The following SYCP1 variants were observed in gnomAD, a reference collection of about 807,000 sequenced individuals.
The protein encoded by SYCP1 is cancer/testis antigen 8.
Under a neutral mutation model 153.1 loss-of-function variants are expected in SYCP1, and 64 were observed. The observed-to-expected ratio is 0.42, with a 90% confidence interval of 0.34 to 0.51. The LOEUF (loss-of-function observed/expected upper bound fraction) is 0.51, where lower values mean the gene tolerates loss of function less well. Among genes scored for constraint, SYCP1 ranks in the 20% least tolerant of loss-of-function variants. The pLI, the probability that SYCP1 is intolerant of heterozygous loss-of-function variation, is 0.06. For synonymous variants in SYCP1, 384 were observed against 341.8 expected (o/e 1.12, Z -1.36); for missense variants, 997 against 1,049.0 (o/e 0.95, Z 0.68).
At chr1:114,914,117 C>A in intron 20 of SYCP1, 72 bp downstream of exon 20, 1 of 1,210,316 alleles carries the variant, frequency 8.3e-7, no homozygotes, top group Non-Finnish European at 1.1e-6. Context: ...AACTTGTTAT[C>A]ATTAATTTAA....
chr1:114,866,069 T>G (rs1047837841), intron 8 of SYCP1, among the ~76,000 whole-genome samples: 8 of 152,214 alleles, frequency 5.3e-5, no homozygotes, highest in Non-Finnish European at 1.0e-4. Flanking sequence ...CCACAGCTTA[T>G]TTATCCATTC....
At chr1:114,919,284 A>G (rs1456517046) in intron 20 of SYCP1, among the ~76,000 whole-genome samples, 1 of 152,002 alleles carries the variant, frequency 6.6e-6, no homozygotes, top group Admixed American at 6.6e-5. Context: ...GTCCTATAGC[A>G]TGTTGATATA....
intron 27 of SYCP1, among the ~76,000 whole-genome samples, chr1:114,950,614 AT>A (rs1256705854): frequency 1.3e-5 from 2 of 152,104 alleles, no homozygotes; most frequent in Non-Finnish European, 2.9e-5. Context: ...TATTTAAAAA[AT>A]GTCCACTTTT....
chr1:114,995,143 A>AT lies in SYCP1; in HGVS notation c.*127dup. Reference sequence around the variant, plus strand: ...GACTTAAAAAATACTTGCATGAATGATTTGTGTTTCTTTATATTTTTAGCC... The same window carrying AT: ...GACTTAAAAAATACTTGCATGAATGATTTTGTGTTTCTTTATATTTTTAGCC... On this transcript the variant is annotated 3_prime_UTR_variant, in exon 32 of 32. Transcript: ENST00000369522. 2.1e-6 allele frequency: 2 copies of AT among 955,718 alleles called. No homozygotes were observed. Among genetic ancestry groups the AT allele is most frequent in the Admixed American group, 6.4e-5 (2 of 31,054 alleles). The allele number at this position is 955,718 out of a possible 1,614,324, so 59.2% of individuals were successfully genotyped here. A position where few individuals can be genotyped will look rare whatever the true frequency, so the allele number is the denominator to read the frequency against.
rs74543655 is a variant in SYCP1 at position 114,926,916 on chromosome 1, A to G, written c.1926+353A>G. Among the ~76,000 whole-genome samples, 619 of 152,248 alleles carry G rather than the reference A, an allele frequency of 4.1e-3. 2 individuals carry two copies. The highest frequency in any genetic ancestry group is 0.014 in the African/African-American group (578 of 41,564). ...TGGAATCTACATTTTAAAAAGCTCT[A>G]TGTGTGATTATCCTGCTGCAGAAAG... On this transcript the variant is annotated intron_variant, in intron 23 of 31. Transcript: ENST00000369522.
In SYCP1 at chr1:114,886,105, T is replaced by C; in HGVS notation, c.1006-20T>C. The C allele has an allele frequency of 6.5e-7, 1 of 1,541,798 alleles. No homozygotes were observed. Among genetic ancestry groups the C allele is most frequent in the South Asian group, 1.2e-5 (1 of 80,016 alleles). On this transcript the variant is annotated intron_variant, in intron 13 of 31. Transcript: ENST00000369522. ...AGGCCTTTGGATCATTGCTCTTGTTTTATACTTTATTTCATTTAGAGTACT... is the reference window on the plus strand; with the variant it reads ...AGGCCTTTGGATCATTGCTCTTGTTCTATACTTTATTTCATTTAGAGTACT...
chr1:114,960,013 C>G (rs1671680407), intron 27 of SYCP1, among the ~76,000 whole-genome samples: 1 of 152,128 alleles, frequency 6.6e-6, no homozygotes, highest in Non-Finnish European at 1.5e-5. Context: ...GGGTTGCTTC[C>G]AAATCTTGGC....
chr1:114,939,991 C>T (rs745845907), intron 23 of SYCP1, among the ~76,000 whole-genome samples: 9 of 152,136 alleles, frequency 5.9e-5, no homozygotes, highest in Non-Finnish European at 8.8e-5. Flanking sequence ...GTAGCATTTA[C>T]TGTTAAAAAC....
chr1:114,994,848 A>T, intron 31 of SYCP1, 34 bp from the exon 32 acceptor site: 1 of 1,571,890 alleles, frequency 6.4e-7, no homozygotes, highest in South Asian at 1.2e-5. Context: ...AAAATTAAAC[A>T]TGTTATGATT....
At chr1:114,902,017 G>A (rs1490639379) in intron 16 of SYCP1, among the ~76,000 whole-genome samples, 7 of 152,106 alleles carry the variant, frequency 4.6e-5, no homozygotes, top group African/African-American at 1.4e-4. Context: ...CTCCTTGGCT[G>A]GGGGAGGGGG....
rs1321112857 is a variant in SYCP1 at position 114,910,412 on chromosome 1, C to T, written c.1336C>T (p.Leu446Phe). The T allele has an allele frequency of 6.3e-7, 1 of 1,593,594 alleles. No individual in the cohort carries two copies. Among genetic ancestry groups the T allele is most frequent in the Non-Finnish European group, 8.6e-7 (1 of 1,169,198 alleles). ...TTATAAATAGGGAGAAAAGGAAACA[C>T]TTTTATATGAAAATAAACAATTTGA... Reference protein sequence around the residue: ...LKKVLGEKETLLYENKQFEKI... With the variant: ...LKKVLGEKETFLYENKQFEKI... The change falls in exon 17 of 32, where the codon CTT (leucine) becomes TTT (phenylalanine). Residue 446 changes from leucine to phenylalanine, a missense_variant. Leu to Phe is a conservative substitution (Grantham distance 22). Coordinates refer to ENST00000369522, the MANE Select transcript of SYCP1 (RefSeq NM_003176.4).
intron 23 of SYCP1, among the ~76,000 whole-genome samples, chr1:114,934,556 A>C (rs756684325): frequency 6.6e-6 from 1 of 152,178 alleles, no homozygotes; most frequent in Non-Finnish European, 1.5e-5. Flanking sequence ...TTCACACATA[A>C]CAATATTAAC....
chr1:114,891,635 A>G (rs567686750), intron 15 of SYCP1, among the ~76,000 whole-genome samples: 1 of 152,154 alleles, frequency 6.6e-6, no homozygotes, highest in Admixed American at 6.5e-5. Flanking sequence ...ATTCAGTCTA[A>G]TATTGCTGTA....
chr1:114,882,346 C>T lies in SYCP1; in HGVS notation c.911-3189C>T, dbSNP rs147553262. On this transcript the variant is annotated intron_variant, in intron 12 of 31. Coordinates refer to ENST00000369522, the MANE Select transcript of SYCP1 (RefSeq NM_003176.4). ...ATACCTTATCCTAATTTCTTTTTAC[C>T]TGTATTGTAATTCACTAATTTTCTT... Among the ~76,000 whole-genome samples the T allele has an allele frequency of 3.7e-3, 565 of 152,140 alleles. 5 individuals carry two copies. The highest frequency in any genetic ancestry group is 0.013 in the African/African-American group (536 of 41,508).
chr1:114,882,598 CTTGT>C (rs1422845286), intron 12 of SYCP1, among the ~76,000 whole-genome samples: 1 of 151,432 alleles, frequency 6.6e-6, no homozygotes, highest in Non-Finnish European at 1.5e-5. Flanking sequence ...CTCTTTCTGT[CTTGT>C]TTATGATAGT....
At chr1:114,865,324 C>T (rs1664666069) in intron 8 of SYCP1, among the ~76,000 whole-genome samples, 1 of 152,026 alleles carries the variant, frequency 6.6e-6, no homozygotes, top group Non-Finnish European at 1.5e-5. Flanking sequence ...TTTCCTAGTT[C>T]ATTGAATGTT....
intron 20 of SYCP1, among the ~76,000 whole-genome samples, chr1:114,922,251 G>A (rs1401080393): frequency 6.6e-6 from 1 of 151,956 alleles, no homozygotes; most frequent in African/African-American, 2.4e-5. Context: ...TCCTCTTTAA[G>A]GCCAATGACT....
chr1:114,932,122 G>A (rs1669673043), intron 23 of SYCP1, among the ~76,000 whole-genome samples: 1 of 152,142 alleles, frequency 6.6e-6, no homozygotes, highest in Admixed American at 6.6e-5. Flanking sequence ...AGAAAACGTA[G>A]GAGGGTACTT....
intron 27 of SYCP1, among the ~76,000 whole-genome samples, chr1:114,961,613 GAGA>G (rs1378887262): frequency 6.6e-6 from 1 of 152,148 alleles, no homozygotes; most frequent in Non-Finnish European, 1.5e-5. Context: ...GACCATTCAG[GAGA>G]AGATTATTTA....
Sources: allele counts gnomAD v4.1 joint callset (sites outside exome capture counted in the v4.1 genomes callset), GRCh38; gene constraint gnomAD v4.1.1; transcripts MANE v1.5; gene names NCBI Gene and HGNC (gene_info 2026-07-23, HGNC 2026-07-21).